The following FRMD4A variants were observed in gnomAD, a reference collection of about 807,000 sequenced individuals.
FRMD4A encodes FERM domain containing 4A.
FRMD4A carries 29 observed loss-of-function variants against 129.1 expected under a neutral mutation model. That is an observed-to-expected ratio of 0.22 (90% CI 0.17 to 0.31). The LOEUF is 0.31. FRMD4A is among the 10% of genes least tolerant of loss of function. The pLI is 1.00. For synonymous variants in FRMD4A, 634 were observed against 571.6 expected (o/e 1.11, Z -1.56); for missense variants, 1,272 against 1,375.8 (o/e 0.92, Z 1.19).
chr10:14,246,923 C>T (rs933980561), intron 2 of FRMD4A, among the ~76,000 whole-genome samples: 2 of 152,154 alleles, frequency 1.3e-5, no homozygotes, highest in Admixed American at 6.5e-5. Flanking sequence ...GGTAATCACC[C>T]GGTAGTGTAG....
intron 24 of FRMD4A, among the ~76,000 whole-genome samples, chr10:13,650,670 C>T (rs2134433306): frequency 6.6e-6 from 1 of 152,320 alleles, no homozygotes; most frequent in Non-Finnish European, 1.5e-5. Context: ...GCCTAAGTCC[C>T]TGTCCTAATT....
intron 2 of FRMD4A, among the ~76,000 whole-genome samples, chr10:14,227,720 G>T (rs551155157): frequency 1.6e-4 from 24 of 152,246 alleles, no homozygotes; most frequent in African/African-American, 5.5e-4. Context: ...TAGACTGGAA[G>T]CTCTAGGATG....
intron 2 of FRMD4A, among the ~76,000 whole-genome samples, chr10:14,136,545 C>A (rs555919316): frequency 6.6e-6 from 1 of 152,024 alleles, no homozygotes; most frequent in Non-Finnish European, 1.5e-5. Context: ...TATTCCTCTA[C>A]CCCCCAACCC....
At chr10:14,308,148 G>C (rs1297356472) in intron 2 of FRMD4A, among the ~76,000 whole-genome samples, 1 of 152,202 alleles carries the variant, frequency 6.6e-6, no homozygotes, top group Non-Finnish European at 1.5e-5. Context: ...CCTTTAGCTA[G>C]AGTCAAATGA....
intron 2 of FRMD4A, among the ~76,000 whole-genome samples, chr10:14,085,460 G>C (rs1200255853): frequency 6.6e-6 from 1 of 152,186 alleles, no homozygotes; most frequent in Non-Finnish European, 1.5e-5. Flanking sequence ...CACAGCTTTG[G>C]TACTGTCACT....
At chr10:14,005,901 C>A (rs1200799761) in intron 2 of FRMD4A, among the ~76,000 whole-genome samples, 1 of 152,184 alleles carries the variant, frequency 6.6e-6, no homozygotes, top group Non-Finnish European at 1.5e-5. Context: ...GAACTGAAAG[C>A]CTTACAGAAA....
chr10:13,877,379 C>T (rs979809553), intron 2 of FRMD4A, among the ~76,000 whole-genome samples: 1 of 152,158 alleles, frequency 6.6e-6, no homozygotes, highest in Non-Finnish European at 1.5e-5. Context: ...CACTCCACAC[C>T]GACAGCTGAC....
chr10:13,858,447 AAAC>A (rs1397199583), intron 3 of FRMD4A, among the ~76,000 whole-genome samples: 1 of 152,228 alleles, frequency 6.6e-6, no homozygotes, highest in African/African-American at 2.4e-5. Flanking sequence ...AAACAAAACA[AAAC>A]AAAAAAACAA....
In FRMD4A at chr10:13,921,048, C is replaced by A. The variant is rs2095065133; in HGVS notation, c.46-62136G>T. Among the ~76,000 whole-genome samples, 3 of 152,242 alleles carry A rather than the reference C, an allele frequency of 2.0e-5. No homozygotes were observed. In the South Asian group the frequency reaches 6.2e-4, roughly 32 times the overall value. ...GACTGGGTTCTATTATGAATAATAG[C>A]AATTTATTTCCCACAGTTCTGGAAG... On this transcript the variant is annotated intron_variant, in intron 2 of 24. Transcript: ENST00000357447.
intron 2 of FRMD4A, among the ~76,000 whole-genome samples, chr10:13,871,785 C>G (rs371741872): frequency 2.6e-5 from 4 of 152,232 alleles, no homozygotes; most frequent in Admixed American, 2.6e-4. Context: ...GGGAAGGAGG[C>G]TCCAGGCACA....
intron 6 of FRMD4A, among the ~76,000 whole-genome samples, chr10:13,769,077 G>C (rs180759407): frequency 0.026 from 3,802 of 145,074 alleles, 83 homozygotes; most frequent in African/African-American, 0.056. Flanking sequence ...TGCAAGCTCT[G>C]CCTCCTGGGT....
intron 2 of FRMD4A, among the ~76,000 whole-genome samples, chr10:14,215,853 G>A (rs1345412894): frequency 1.3e-5 from 2 of 152,100 alleles, no homozygotes; most frequent in Admixed American, 6.6e-5. Context: ...CTTTGTCATG[G>A]GAGTCTCAGT....
chr10:13,764,814 A>C (rs1240954551), intron 6 of FRMD4A, among the ~76,000 whole-genome samples: 1 of 152,186 alleles, frequency 6.6e-6, no homozygotes, highest in Admixed American at 6.5e-5. Flanking sequence ...GAGGTAAAAG[A>C]GATTTAGAGA....
Position 13,693,984 on chromosome 10 carries a change from G to C in FRMD4A, c.1031C>G (p.Thr344Arg). ...CAGCTTCGAGGTCTTCAGCGTCCCC[G>C]TCTCGGTCAGGTCGATGGCGATCTC... is the stretch of plus-strand genomic sequence containing the variant. ...LSEIAIDLTE[T>R]GTLKTSKLAN... The change falls in exon 15 of 25, where the codon ACG becomes AGG. Residue 344 changes from threonine to arginine, a missense_variant. By Grantham distance (71) the Thr-to-Arg change is moderately conservative. Transcript: ENST00000357447. 6.4e-7 allele frequency: 1 copy of C among 1,555,476 alleles called. No individual in the cohort carries two copies. Among genetic ancestry groups the C allele is most frequent in the South Asian group, 1.3e-5 (1 of 79,922 alleles).
intron 21 of FRMD4A, among the ~76,000 whole-genome samples, chr10:13,657,922 C>T (rs911133532): frequency 3.3e-5 from 5 of 151,378 alleles, no homozygotes; most frequent in African/African-American, 1.2e-4. Flanking sequence ...TGAAGAATTG[C>T]TTGAGCCTGG....
Position 14,128,011 on chromosome 10 carries a change from TCTTC to T in FRMD4A, c.45+202043_45+202046del, listed in dbSNP as rs1234412308. Among the ~76,000 whole-genome samples, 174 of 96,812 alleles carry T rather than the reference TCTTC, an allele frequency of 1.8e-3. 6 individuals are homozygous for T. Among genetic ancestry groups the T allele is most frequent in the Middle Eastern group, 0.01 (2 of 198 alleles). 63.5% of individuals were successfully genotyped at this position (96,812 alleles called of 152,430 possible). ...CTCTCTCTCTCTCTCTTTCTTTCTT[TCTTC>T]CTTCCTTCCTTCCTTCCTTCCTTTC... On this transcript the variant is annotated intron_variant, in intron 2 of 24. Transcript: ENST00000357447.
chr10:13,939,295 G>A (rs918549001), intron 2 of FRMD4A, among the ~76,000 whole-genome samples: 1 of 152,150 alleles, frequency 6.6e-6, no homozygotes, highest in African/African-American at 2.4e-5. Context: ...TTATATTTTG[G>A]ATCTACTTTT....
intron 2 of FRMD4A, among the ~76,000 whole-genome samples, chr10:13,927,394 A>T (rs1029667298): frequency 6.6e-6 from 1 of 152,322 alleles, no homozygotes; most frequent in Admixed American, 6.5e-5. Flanking sequence ...CTCTAAACTC[A>T]TGGCTGCCCA....
chr10:13,833,850 T>C (rs2093829365), intron 3 of FRMD4A, among the ~76,000 whole-genome samples: 1 of 152,154 alleles, frequency 6.6e-6, no homozygotes, highest in South Asian at 2.1e-4. Context: ...GAGCTGGGCC[T>C]CAAAGCCAGG....
Sources: allele counts gnomAD v4.1 joint callset (sites outside exome capture counted in the v4.1 genomes callset), GRCh38; gene constraint gnomAD v4.1.1; transcripts MANE v1.5; gene names NCBI Gene and HGNC (gene_info 2026-07-23, HGNC 2026-07-21).